AP3B1: variants seen among roughly 807,000 people sequenced by gnomAD.
The protein encoded by AP3B1 is AP-3 complex subunit beta-1.
AP3B1 carries 61 observed loss-of-function variants against 132.5 expected under a neutral mutation model. The observed-to-expected ratio is 0.46, with a 90% CI of 0.37 to 0.57. The LOEUF is 0.57. AP3B1 is among the 20% of genes least tolerant of loss of function. AP3B1 has a pLI of 0.00. For missense variants in AP3B1, 1,120 were observed against 1,289.4 expected (o/e 0.87, Z 2.01); for synonymous variants, 388 against 438.3 (o/e 0.89, Z 1.43).
At chr5:78,213,839 T>C (rs528340832) in intron 7 of AP3B1, among the ~76,000 whole-genome samples, 3 of 152,242 alleles carry the variant, frequency 2.0e-5, no homozygotes, top group Non-Finnish European at 4.4e-5. Flanking sequence ...GCTAAACTTA[T>C]AAATCTTCTA....
chr5:78,000,937 T>C (rs754391751), downstream of AP3B1: 2 of 152,228 alleles, frequency 1.3e-5, no homozygotes, highest in Non-Finnish European at 2.9e-5. Flanking sequence ...AAGCTACTAG[T>C]GTTAAAATGG....
intron 6 of AP3B1, among the ~76,000 whole-genome samples, chr5:78,218,586 A>G (rs571124681): frequency 3.5e-4 from 53 of 152,160 alleles, no homozygotes; most frequent in Non-Finnish European, 6.5e-4. Flanking sequence ...TATTTTCTCT[A>G]GATTATCTAT....
chr5:78,070,231 AC>A (rs1192265950), intron 22 of AP3B1, among the ~76,000 whole-genome samples: 1 of 151,996 alleles, frequency 6.6e-6, no homozygotes, highest in Non-Finnish European at 1.5e-5. Flanking sequence ...ACATGGTGAA[AC>A]CCCGTATCTA....
At chr5:78,146,091 T>C (rs909596606) in intron 14 of AP3B1, among the ~76,000 whole-genome samples, 1 of 152,184 alleles carries the variant, frequency 6.6e-6, no homozygotes, top group African/African-American at 2.4e-5. Context: ...ATTTTAAGGC[T>C]CACATTTTAA....
At chr5:78,026,147 C>T (rs1483137672) in intron 24 of AP3B1, among the ~76,000 whole-genome samples, 1 of 152,100 alleles carries the variant, frequency 6.6e-6, no homozygotes, top group African/African-American at 2.4e-5. Flanking sequence ...CACATAACTG[C>T]CTCAACTTGG....
chr5:78,255,295 C>CAA (rs1747803944), intron 2 of AP3B1, among the ~76,000 whole-genome samples: 1 of 151,850 alleles, frequency 6.6e-6, no homozygotes, highest in Non-Finnish European at 1.5e-5. Context: ...ATCAGAAAAA[C>CAA]AGAGTGGCCG....
chr5:78,156,267 G>T lies in AP3B1; in HGVS notation c.1464C>A (p.Asp488Glu). 6.2e-7 allele frequency: 1 copy of T among 1,608,834 alleles called. No homozygotes were observed. The highest frequency in any genetic ancestry group is 8.5e-7 in the Non-Finnish European group (1 of 1,175,436). ...EIIKHMAKLL[D>E]SITVPVARAS... ...CTTAATTGATACTCACAGTGATACT[G>T]TCCAGGAGTTTGGCCATATGTTTAA... The change falls in exon 14 of 27, where the codon GAC becomes GAA. Residue 488 changes from aspartate (D) to glutamate (E), a missense_variant. This residue lies in a region of AP3B1 where 906 missense variants were observed against 997.1 expected (regional missense o/e 0.91). Coordinates refer to ENST00000255194, the MANE Select transcript of AP3B1 (RefSeq NM_003664.5).
chr5:78,191,375 A>AAAAAAAAAT, intron 7 of AP3B1, among the ~76,000 whole-genome samples: 1 of 150,512 alleles, frequency 6.6e-6, no homozygotes, highest in African/African-American at 2.4e-5. Context: ...AAAAAAAAAA[A>AAAAAAAAAT]AAGGATGTGT....
intron 22 of AP3B1, among the ~76,000 whole-genome samples, chr5:78,078,607 C>G (rs1222886893): frequency 6.6e-6 from 1 of 152,176 alleles, no homozygotes; most frequent in Non-Finnish European, 1.5e-5. Flanking sequence ...TTGGTAAACT[C>G]AATCATTCTC....
intron 3 of AP3B1, among the ~76,000 whole-genome samples, chr5:78,233,368 G>C (rs904608811): frequency 1.3e-5 from 2 of 151,768 alleles, no homozygotes; most frequent in Non-Finnish European, 2.9e-5. Context: ...AGAGTAGCTG[G>C]GATTACAGGC....
intron 3 of AP3B1, among the ~76,000 whole-genome samples, chr5:78,228,688 C>T (rs771024537): frequency 4.6e-5 from 7 of 152,138 alleles, no homozygotes; most frequent in Non-Finnish European, 1.0e-4. Context: ...GACCCTACCT[C>T]TTTAAAAAAT....
chr5:78,019,902 G>GA (rs1223011231), intron 25 of AP3B1, among the ~76,000 whole-genome samples: 1 of 151,706 alleles, frequency 6.6e-6, no homozygotes, highest in Admixed American at 6.6e-5. Context: ...CCCTCCACAG[G>GA]AAAAAATGGC....
chr5:78,197,905 C>T (rs1426534652), intron 7 of AP3B1, among the ~76,000 whole-genome samples: 3 of 152,142 alleles, frequency 2.0e-5, no homozygotes, highest in African/African-American at 7.2e-5. Context: ...AAAACACTTG[C>T]ACAAATACCT....
At chr5:78,225,333 G>A (rs1324278208) in intron 6 of AP3B1, among the ~76,000 whole-genome samples, 1 of 151,944 alleles carries the variant, frequency 6.6e-6, no homozygotes, top group Non-Finnish European at 1.5e-5. Flanking sequence ...TTCAGATTCT[G>A]ATGAAGAAAC....
chr5:78,242,085 T>C (rs1747162379), intron 2 of AP3B1, among the ~76,000 whole-genome samples: 1 of 152,230 alleles, frequency 6.6e-6, no homozygotes, highest in Non-Finnish European at 1.5e-5. Context: ...CTTAAAACAC[T>C]ACTTTGCACA....
chr5:78,097,422 G>T (rs1472259996), intron 21 of AP3B1, among the ~76,000 whole-genome samples: 2 of 134,556 alleles, frequency 1.5e-5, no homozygotes, highest in African/African-American at 5.6e-5. Flanking sequence ...CCTCGTCCGG[G>T]AGGTGAGGGG....
chr5:78,043,258 T>C (rs1046545399), intron 22 of AP3B1: 3 of 158,112 alleles, frequency 1.9e-5, no homozygotes, highest in African/African-American at 7.2e-5. Flanking sequence ...GCCCCACAAG[T>C]AGCTGGGACC....
intron 22 of AP3B1, among the ~76,000 whole-genome samples, chr5:78,059,493 T>C (rs1341179639): frequency 2.0e-5 from 3 of 152,334 alleles, no homozygotes; most frequent in Middle Eastern, 3.4e-3. Context: ...TCAGAGTTTA[T>C]AGTATAGTTT....
intron 22 of AP3B1, among the ~76,000 whole-genome samples, chr5:78,065,557 A>G (rs1749253225): frequency 6.6e-6 from 1 of 152,150 alleles, no homozygotes. Context: ...TCATGGCCAG[A>G]CTGCTTCTTT....
Sources: gnomAD v4.1 joint callset for allele counts (sites outside exome capture counted in the v4.1 genomes callset) on GRCh38, gnomAD v4.1.1 for gene constraint, gnomAD v4.1.1 regional missense constraint, MANE v1.5 for transcripts, NCBI Gene and HGNC (gene_info 2026-07-23, HGNC 2026-07-21) for gene names.